Variants in SLC45A1 observed in about 807,000 individuals in gnomAD.
SLC45A1 encodes the protein proton-associated sugar transporter A.
In SLC45A1, 28 loss-of-function variants were observed where a neutral mutation model predicts 57.6. That is an observed-to-expected ratio of 0.49 (90% CI 0.36 to 0.67). SLC45A1 has a LOEUF of 0.67. SLC45A1 is among the 30% of genes least tolerant of loss of function. SLC45A1 has a pLI of 0.00. For missense variants in SLC45A1, 814 were observed against 1,041.5 expected (o/e 0.78, Z 3.01); for synonymous variants, 459 against 471.5 (o/e 0.97, Z 0.34).
chr1:8,330,147 GC>G lies in SLC45A1; in HGVS notation c.716-60del. On this transcript the variant is annotated intron_variant, in intron 4 of 8. Transcript: ENST00000471889. The surrounding 1 kb of genome is among the most constrained non-coding windows in gnomAD (Gnocchi z 8.4). ...ACCTTCATGTCCTTCTAAGAACGGGGCCACCGCGTTTGGGGCTTCTCCTCCC... is the reference window on the plus strand; with the variant it reads ...ACCTTCATGTCCTTCTAAGAACGGGGCACCGCGTTTGGGGCTTCTCCTCCC... 6.4e-7 allele frequency: 1 copy of G among 1,570,712 alleles called. No homozygotes were observed.
intron 5 of SLC45A1, among the ~76,000 whole-genome samples, chr1:8,331,331 AT>A (rs1640402422): frequency 9.4e-6 from 1 of 106,708 alleles, no homozygotes; most frequent in African/African-American, 3.5e-5. Flanking sequence ...CTTTTAAAAA[AT>A]ATTTTTAAAA....
intron 5 of SLC45A1, among the ~76,000 whole-genome samples, chr1:8,333,611 T>A (rs1640493347): frequency 6.6e-6 from 1 of 151,588 alleles, no homozygotes; most frequent in Non-Finnish European, 1.5e-5. Context: ...AATTTTTTAT[T>A]TTTTGTAGAA....
Position 8,335,062 on chromosome 1 carries a change from C to T in SLC45A1, c.1444-375C>T, listed in dbSNP as rs66504733. ...CACCTTGAAATAAGTCGTTCCCAGTCTTCTTTTACAAAAAAGAAAGGACTT... is the reference window on the plus strand; with the variant it reads ...CACCTTGAAATAAGTCGTTCCCAGTTTTCTTTTACAAAAAAGAAAGGACTT... On this transcript the variant is annotated intron_variant, in intron 5 of 8. Coordinates refer to ENST00000471889, the MANE Select transcript of SLC45A1 (RefSeq NM_001080397.3). This position sits in a 1 kb window ranked among gnomAD's most constrained non-coding sequence, Gnocchi z 4.1. 0.43 allele frequency among the ~76,000 whole-genome samples: 66,055 copies of T among 152,042 alleles called. 16,079 individuals are homozygous for T. Among genetic ancestry groups the T allele is most frequent in the Middle Eastern group, 0.66 (194 of 294 alleles).
At position 8,330,034 on chromosome 1, in the gene SLC45A1, A is replaced by C. The variant is rs1640333981; in HGVS notation, c.716-175A>C. ...TGCAGGACAGGAGGGGGACCTCCTCAAGGGGCCCGCCCTGGGAATCCTGTC... is the reference window on the plus strand; with the variant it reads ...TGCAGGACAGGAGGGGGACCTCCTCCAGGGGCCCGCCCTGGGAATCCTGTC... On this transcript the variant is annotated intron_variant, in intron 4 of 8. Coordinates refer to ENST00000471889, the MANE Select transcript of SLC45A1 (RefSeq NM_001080397.3). This position sits in a 1 kb window ranked among gnomAD's most constrained non-coding sequence, Gnocchi z 8.4. 1.3e-6 allele frequency: 1 copy of C among 783,018 alleles called. No individual in the cohort carries two copies. Among genetic ancestry groups the C allele is most frequent in the South Asian group, 1.8e-5 (1 of 55,238 alleles). 48.5% of individuals were successfully genotyped at this position (783,018 alleles called of 1,614,324 possible).
chr1:8,330,516 CA>C lies in SLC45A1; in HGVS notation c.1024del (p.Ser342AlafsTer17). On this transcript the variant is annotated frameshift_variant, in exon 5 of 9. Coordinates refer to ENST00000471889, the MANE Select transcript of SLC45A1 (RefSeq NM_001080397.3). LOFTEE classifies it high-confidence loss of function. The surrounding 1 kb of genome is among the most constrained non-coding windows in gnomAD (Gnocchi z 8.4). ...ACTTCTCCAGCCCCATCTCGCCGCCCAGCCCCCTCACGCCCAAGTACGGCAG... is the reference window on the plus strand; with the variant it reads ...ACTTCTCCAGCCCCATCTCGCCGCCCGCCCCCTCACGCCCAAGTACGGCAG... The part of the protein sequence containing the change: ...TNFSSPISPP[S>X]PLTPKYGSFI... 2 of 1,613,330 alleles carry C rather than the reference CA, an allele frequency of 1.2e-6. No individual in the cohort carries two copies. The highest frequency in any genetic ancestry group is 1.7e-6 in the Non-Finnish European group (2 of 1,179,978).
At position 8,330,739 on chromosome 1, in the gene SLC45A1, C is replaced by G. The variant is rs376067386; in HGVS notation, c.1246C>G (p.Arg416Gly). Residue 416 changes from arginine to glycine, a missense_variant, in exon 5 of 9, where the codon CGT (arginine) becomes GGT (glycine). Physicochemically the swap from Arg to Gly is moderately radical, Grantham distance 125. Coordinates refer to ENST00000471889, the MANE Select transcript of SLC45A1 (RefSeq NM_001080397.3). This position sits in a 1 kb window ranked among gnomAD's most constrained non-coding sequence, Gnocchi z 8.4. The stretch of plus-strand genomic sequence containing the variant: ...CCCCGACGGCTTCTACCGCCAGGAC[C>G]GTGGACTTCTGGAGGGCAGAGAGGG... ...RAPDGFYRQDRGLLEGREGAL... is the reference protein window; with the variant it reads ...RAPDGFYRQDGGLLEGREGAL... The G allele has an allele frequency of 6.2e-7, 1 of 1,613,256 alleles. No individual in the cohort carries two copies. The highest frequency in any genetic ancestry group is 1.1e-5 in the South Asian group (1 of 91,076).
chr1:8,336,724 G>A (rs1476224723), intron 6 of SLC45A1, among the ~76,000 whole-genome samples: 1 of 152,190 alleles, frequency 6.6e-6, no homozygotes, highest in Non-Finnish European at 1.5e-5. Context: ...ATATTTTGCT[G>A]CCATCAAAAC....
At position 8,325,899 on chromosome 1, in the gene SLC45A1, G is replaced by A; in HGVS notation, c.572G>A (p.Trp191Ter). 6.2e-7 allele frequency: 1 copy of A among 1,614,070 alleles called. No individual in the cohort carries two copies. The highest frequency in any genetic ancestry group is 8.5e-7 in the Non-Finnish European group (1 of 1,180,046). Residue 191 changes from tryptophan (W) to a stop codon, truncating the protein, a stop_gained, in exon 4 of 9, where the codon TGG (tryptophan) becomes TAG (stop). Transcript: ENST00000471889. LOFTEE classifies it high-confidence loss of function. This position sits in a 1 kb window ranked among gnomAD's most constrained non-coding sequence, Gnocchi z 6.3. The part of the protein sequence containing the change: ...ALADVTGNHK[W>*]GLLLTVCGVV... ...GCTGACGTGACCGGGAACCACAAGT[G>A]GGGCCTGCTGCTGACCGTGTGCGGT...
At chr1:8,319,825 TC>T (rs1639944609) in intron 1 of SLC45A1, among the ~76,000 whole-genome samples, 1 of 152,134 alleles carries the variant, frequency 6.6e-6, no homozygotes, top group Non-Finnish European at 1.5e-5. Context: ...CAAGCGATTC[TC>T]CTGCCTCAGC....
rs1174812578 is a variant in SLC45A1, at chr1:8,343,092, A to C, written c.1981-655A>C. Among the ~76,000 whole-genome samples the C allele has an allele frequency of 6.6e-6, 1 of 152,148 alleles. No homozygotes were observed. Among genetic ancestry groups the C allele is most frequent in the Admixed American group, 6.5e-5 (1 of 15,272 alleles). ...GAGCACAGCCCTTCTGATGGGGGGA[A>C]GCCGCAGGGGAGGCCCAGGCTCCCA... On this transcript the variant is annotated intron_variant, in intron 8 of 8. Coordinates refer to ENST00000471889, the MANE Select transcript of SLC45A1 (RefSeq NM_001080397.3). This position sits in a 1 kb window ranked among gnomAD's most constrained non-coding sequence, Gnocchi z 7.7.
chr1:8,329,389 A>C (rs1302542374), intron 4 of SLC45A1, among the ~76,000 whole-genome samples: 2 of 152,226 alleles, frequency 1.3e-5, no homozygotes, highest in Non-Finnish European at 1.5e-5. Context: ...CAATAAAACA[A>C]AATAAAACAC....
intron 8 of SLC45A1, 129 bp downstream of exon 8, chr1:8,339,827 A>G (rs746382047): frequency 7.8e-5 from 70 of 895,750 alleles, no homozygotes; most frequent in Non-Finnish European, 1.1e-4. Context: ...ACCACAGAGC[A>G]TGAAACCAAG....
Position 8,335,581 on chromosome 1 carries a change from CA to C in SLC45A1, c.1589del (p.His530ProfsTer44). ...PKALRTLCVN[H>X]FLGWLSFEGM... is the part of the protein sequence containing the mutation. ...GGCGCTACGCACCCTCTGCGTCAAC[CA>C]CTTCCTGGGTGAGCTCCCGGCCAAG... On this transcript the variant is annotated frameshift_variant, in exon 6 of 9. Transcript: ENST00000471889. LOFTEE classifies it high-confidence loss of function. The surrounding 1 kb of genome is among the most constrained non-coding windows in gnomAD (Gnocchi z 4.1). 6.2e-7 allele frequency: 1 copy of C among 1,602,354 alleles called. No individual in the cohort carries two copies.
intron 8 of SLC45A1, among the ~76,000 whole-genome samples, chr1:8,342,792 G>C (rs772473782): frequency 8.3e-4 from 87 of 105,184 alleles, no homozygotes; most frequent in Non-Finnish European, 1.7e-3. Flanking sequence ...CCAGCTACTC[G>C]GGAGGCTGAG....
Position 8,335,422 on chromosome 1 carries a change from G to C in SLC45A1, c.1444-15G>C. On this transcript the variant is annotated splice_polypyrimidine_tract_variant and intron_variant, in intron 5 of 8. Transcript: ENST00000471889. The surrounding 1 kb of genome is among the most constrained non-coding windows in gnomAD (Gnocchi z 4.1). ...GGTGCGGGGCTCTGATGAGGGGTTT[G>C]TGGGCTCTTCCCAGGTGGCCAATAT... is the stretch of plus-strand genomic sequence containing the variant. 1.3e-6 allele frequency: 2 copies of C among 1,576,082 alleles called. No homozygotes were observed. The highest frequency in any genetic ancestry group is 1.7e-6 in the Non-Finnish European group (2 of 1,166,884).
In SLC45A1 at chr1:8,343,157, G is replaced by A. The variant is rs936490813; in HGVS notation, c.1981-590G>A. 2.6e-5 allele frequency among the ~76,000 whole-genome samples: 4 copies of A among 152,294 alleles called. No individual in the cohort carries two copies. Among genetic ancestry groups the A allele is most frequent in the Non-Finnish European group, 2.9e-5 (2 of 68,030 alleles). ...CCACTCACGCAGCACCTTGCAGGCC[G>A]GCTGGTGCTGGGGGAGCCCAGTGAG... On this transcript the variant is annotated intron_variant, in intron 8 of 8. Transcript: ENST00000471889. The surrounding 1 kb of genome is among the most constrained non-coding windows in gnomAD (Gnocchi z 7.7).
rs867006208 is a variant in SLC45A1, at chr1:8,321,943, G to A, written c.-24-2363G>A. Among the ~76,000 whole-genome samples, 91 of 120,014 alleles carry A rather than the reference G, an allele frequency of 7.6e-4. 1 individual carries two copies. Among genetic ancestry groups the A allele is most frequent in the African/African-American group, 2.6e-3 (82 of 31,914 alleles). 78.7% of individuals were successfully genotyped at this position (120,014 alleles called of 152,430 possible). ...GATGGGTGGGTGGGTGGATGGATACGTGGATGGGTGGGCAAGTGGATGGGT... is the reference window on the plus strand; with the variant it reads ...GATGGGTGGGTGGGTGGATGGATACATGGATGGGTGGGCAAGTGGATGGGT... On this transcript the variant is annotated intron_variant, in intron 1 of 8. Transcript: ENST00000471889.
intron 6 of SLC45A1, among the ~76,000 whole-genome samples, chr1:8,336,791 G>C (rs930314622): frequency 6.6e-6 from 1 of 152,114 alleles, no homozygotes; most frequent in African/African-American, 2.4e-5. Context: ...ATTCATTATG[G>C]TTCGAGAGGG....
rs983195955 is a variant in SLC45A1 at position 8,339,516 on chromosome 1, T to C, written c.1798T>C (p.Phe600Leu). Residue 600 changes from phenylalanine to leucine, a missense_variant, in exon 8 of 9, where the codon TTC becomes CTC. Phe to Leu is a conservative substitution (Grantham distance 22, BLOSUM62 0). Coordinates refer to ENST00000471889, the MANE Select transcript of SLC45A1 (RefSeq NM_001080397.3). ...AGCTATCCTGGAGAAGCTGGAGGAGTTCCTCAGCGTCCGCACCCTCTACTT... is the reference window on the plus strand; with the variant it reads ...AGCTATCCTGGAGAAGCTGGAGGAGCTCCTCAGCGTCCGCACCCTCTACTT... ...YSAILEKLEE[F>L]LSVRTLYFIA... The C allele has an allele frequency of 3.7e-6, 6 of 1,613,132 alleles. No individual in the cohort carries two copies. In the African/African-American group the frequency reaches 6.7e-5, roughly 18 times the overall value.
Sources: gnomAD v4.1 joint callset for allele counts (sites outside exome capture counted in the v4.1 genomes callset) on GRCh38, gnomAD v4.1.1 for gene constraint, Gnocchi (gnomAD v3.1) non-coding constraint, MANE v1.5 for transcripts, NCBI Gene and HGNC (gene_info 2026-07-23, HGNC 2026-07-21) for gene names.